MGA: variants seen among roughly 807,000 people sequenced by gnomAD.
MGA encodes MAX dimerization protein MGA.
MGA carries 40 observed loss-of-function variants against 261.1 expected under a neutral mutation model. That is an observed-to-expected ratio of 0.15 (90% CI 0.12 to 0.20). The LOEUF is 0.20. Among genes scored for constraint, MGA ranks in the 10% least tolerant of loss-of-function variants. MGA has a pLI of 1.00. For synonymous variants in MGA, 1,302 were observed against 1,290.6 expected (o/e 1.01, Z -0.19); for missense variants, 3,397 against 3,630.5 (o/e 0.94, Z 1.65).
chr15:41,641,777 C>T (rs780672752), intron 1 of MGA, among the ~76,000 whole-genome samples: 13 of 152,014 alleles, frequency 8.6e-5, no homozygotes, highest in African/African-American at 2.7e-4. Context: ...CATGAGCCAC[C>T]GTGTCCGGCC....
chr15:41,630,325 T>G (rs2056561139), intron 1 of MGA, among the ~76,000 whole-genome samples: 1 of 152,180 alleles, frequency 6.6e-6, no homozygotes, highest in South Asian at 2.1e-4. Context: ...GTGCTGTTGC[T>G]TATACTTCAA....
chr15:41,638,841 C>G (rs914369644), intron 1 of MGA, among the ~76,000 whole-genome samples: 1 of 151,876 alleles, frequency 6.6e-6, no homozygotes, highest in Non-Finnish European at 1.5e-5. Context: ...CAGGCGCGTG[C>G]CACCATGCCT....
chr15:41,736,673 G>C lies in MGA; in HGVS notation c.4409G>C (p.Ser1470Thr). The C allele has an allele frequency of 1.2e-6, 2 of 1,612,024 alleles. No homozygotes were observed. Among genetic ancestry groups the C allele is most frequent in the Non-Finnish European group, 1.7e-6 (2 of 1,178,994 alleles). ...CTTGTGGCCTATAAACGTAAACCCAGTTCAAGTACATCTGGGCTTATCCAG... is the reference window on the plus strand; with the variant it reads ...CTTGTGGCCTATAAACGTAAACCCACTTCAAGTACATCTGGGCTTATCCAG... The change falls in exon 13 of 24, where the codon AGT (serine) becomes ACT (threonine). Residue 1470 changes from serine (S) to threonine (T), a missense_variant. Ser to Thr is a moderately conservative substitution (Grantham distance 58, BLOSUM62 1). Transcript: ENST00000219905.
At chr15:41,739,429 G>A (rs1243285159) in intron 13 of MGA, among the ~76,000 whole-genome samples, 1 of 152,210 alleles carries the variant, frequency 6.6e-6, no homozygotes, top group Non-Finnish European at 1.5e-5. Context: ...ATAACTTAAA[G>A]TAGATTTCAC....
At chr15:41,666,060 A>AT (rs11428325) in intron 1 of MGA, among the ~76,000 whole-genome samples, 104,949 of 138,796 alleles carry the variant, frequency 0.76, 40,527 homozygotes, top group East Asian at 0.88. Context: ...CATACCTGCT[A>AT]TTTTTTTTTT....
rs1160853596 is a variant in MGA at position 41,742,963 on chromosome 15, C to A, written c.5003C>A (p.Thr1668Asn). The change falls in exon 15 of 24, where the codon ACC becomes AAC. Residue 1668 changes from threonine to asparagine, a missense_variant. By Grantham distance (65) the Thr-to-Asn change is moderately conservative. This residue lies in a region of MGA where 1,410 missense variants were observed against 1,386.4 expected (regional missense o/e 1.02). Coordinates refer to ENST00000219905, the MANE Select transcript of MGA (RefSeq NM_001164273.2). ...CTTACCAAAACCACTGGGATAACTA[C>A]CCCTGTGGCTTCAGTTGCTTTTCCT... 22 of 1,613,844 alleles carry A rather than the reference C, an allele frequency of 1.4e-5. No individual in the cohort carries two copies. The highest frequency in any genetic ancestry group is 2.2e-5 in the East Asian group (1 of 44,898).
intron 7 of MGA, 104 bp from the exon 8 acceptor site, chr15:41,710,587 C>A: frequency 8.8e-7 from 1 of 1,130,840 alleles, no homozygotes; most frequent in Non-Finnish European, 1.2e-6. Context: ...TTAGAAGATT[C>A]ACTATCTTGT....
Position 41,734,574 on chromosome 15 carries a change from A to C in MGA, c.3896A>C (p.Asp1299Ala), listed in dbSNP as rs1567050241. ...AAACAACTCACCTGTGACTTGGAGG[A>C]TGATTCTGATAAATTACAAGGTCAG... is the stretch of plus-strand genomic sequence containing the variant. The change falls in exon 12 of 24, where the codon GAT becomes GCT. Residue 1299 changes from aspartate (D) to alanine (A), a missense_variant. Asp to Ala is a moderately radical substitution (Grantham distance 126, BLOSUM62 -2). Transcript: ENST00000219905. 4.4e-6 allele frequency: 7 copies of C among 1,603,950 alleles called. No individual in the cohort carries two copies. Among genetic ancestry groups the C allele is most frequent in the Middle Eastern group, 3.3e-4 (2 of 6,048 alleles).
chr15:41,678,029 T>C (rs1032459970), intron 2 of MGA, among the ~76,000 whole-genome samples: 3 of 152,126 alleles, frequency 2.0e-5, no homozygotes, highest in Non-Finnish European at 2.9e-5. Context: ...GTTTCCCTTA[T>C]GTTTCTTACT....
chr15:41,711,745 G>T (rs2060397073), intron 8 of MGA, among the ~76,000 whole-genome samples: 1 of 152,054 alleles, frequency 6.6e-6, no homozygotes, highest in Non-Finnish European at 1.5e-5. Flanking sequence ...GCCCAGGCTG[G>T]AGTGCAGTGG....
intron 2 of MGA, among the ~76,000 whole-genome samples, chr15:41,687,677 A>G (rs972555371): frequency 6.6e-6 from 1 of 152,232 alleles, no homozygotes; most frequent in African/African-American, 2.4e-5. Context: ...CGTTGTTGTC[A>G]AAGAACATAT....
rs2062212896 is a variant in MGA, at chr15:41,743,134, C to T, written c.5174C>T (p.Ser1725Leu). Residue 1725 changes from serine to leucine, a missense_variant, in exon 15 of 24, where the codon TCA (serine) becomes TTA (leucine). This residue lies in a region of MGA where 1,410 missense variants were observed against 1,386.4 expected (regional missense o/e 1.02). Transcript: ENST00000219905. ...CTGGGCTCTGTTCCTATTATACTCT[C>T]AGGAATTAATGGGAGTCCACCAGTG... is the stretch of plus-strand genomic sequence containing the variant. The T allele has an allele frequency of 6.2e-7, 1 of 1,612,542 alleles. No individual in the cohort carries two copies. Among genetic ancestry groups the T allele is most frequent in the Non-Finnish European group, 8.5e-7 (1 of 1,179,242 alleles).
At chr15:41,657,547 G>A (rs1037850418), upstream of MGA, among the ~76,000 whole-genome samples, 1 of 151,596 alleles carries the variant, frequency 6.6e-6, no homozygotes. Flanking sequence ...GTAGAGACGG[G>A]GTTTCACCAT....
At chr15:41,706,185 C>T (rs191692650) in intron 5 of MGA, among the ~76,000 whole-genome samples, 4 of 149,034 alleles carry the variant, frequency 2.7e-5, no homozygotes, top group Admixed American at 6.7e-5. Flanking sequence ...TGCAGTGAGC[C>T]GAGATTACAC....
intron 9 of MGA, among the ~76,000 whole-genome samples, chr15:41,721,635 C>G (rs2060942088): frequency 6.6e-6 from 1 of 152,060 alleles, no homozygotes; most frequent in African/African-American, 2.4e-5. Flanking sequence ...TGGGGAAATC[C>G]AAATTAAATC....
rs746884906 is a variant in MGA, at chr15:41,740,186, C to T, written c.4568C>T (p.Pro1523Leu). ...GGGAAGAATCTGAAGGCGTTTGTCCCAGCAAAACGGCCAATTGGTAAGTTG... is the reference window on the plus strand; with the variant it reads ...GGGAAGAATCTGAAGGCGTTTGTCCTAGCAAAACGGCCAATTGGTAAGTTG... Residue 1523 changes from proline (P) to leucine (L), a missense_variant, in exon 14 of 24, where the codon CCA becomes CTA. By Grantham distance (98) the Pro-to-Leu change is moderately conservative. This residue lies in a region of MGA where 1,410 missense variants were observed against 1,386.4 expected (regional missense o/e 1.02). Coordinates refer to ENST00000219905, the MANE Select transcript of MGA (RefSeq NM_001164273.2). 4.3e-6 allele frequency: 7 copies of T among 1,613,826 alleles called. No homozygotes were observed. In the African/African-American group the frequency reaches 6.7e-5, roughly 15 times the overall value.
At chr15:41,754,607 T>C (rs1298568533) in intron 18 of MGA, 40 bp downstream of exon 18, 35 of 1,501,964 alleles carry the variant, frequency 2.3e-5, no homozygotes, top group Non-Finnish European at 3.0e-5. Flanking sequence ...TTTTGTAGTT[T>C]TGTAACCAGA....
chr15:41,678,788 A>G (rs2058518282), intron 2 of MGA, among the ~76,000 whole-genome samples: 1 of 151,224 alleles, frequency 6.6e-6, no homozygotes, highest in South Asian at 2.1e-4. Context: ...AAACCACAAA[A>G]TGAAAAGACT....
At chr15:41,652,787 T>A (rs1416496004) in intron 1 of MGA, among the ~76,000 whole-genome samples, 1 of 151,980 alleles carries the variant, frequency 6.6e-6, no homozygotes, top group African/African-American at 2.4e-5. Flanking sequence ...ATTTATTCAT[T>A]TTCCCCAGGG....
Sources: allele counts gnomAD v4.1 joint callset (sites outside exome capture counted in the v4.1 genomes callset), GRCh38; gene constraint gnomAD v4.1.1; regional missense constraint gnomAD v4.1.1; transcripts MANE v1.5; gene names NCBI Gene and HGNC (gene_info 2026-07-23, HGNC 2026-07-21).